BRCA1: variants seen among roughly 807,000 people sequenced by gnomAD.
The protein encoded by BRCA1 is breast cancer type 1 susceptibility protein.
In BRCA1, 140 loss-of-function variants were observed where a neutral mutation model predicts 173.7. The observed-to-expected ratio is 0.81, with a 90% CI of 0.70 to 0.93. BRCA1 has a LOEUF of 0.93. BRCA1 is among the 40% of genes least tolerant of loss of function. BRCA1 has a pLI of 0.00. For synonymous variants in BRCA1, 662 were observed against 756.0 expected (o/e 0.88, Z 2.04); for missense variants, 1,983 against 2,172.5 (o/e 0.91, Z 1.73).
rs1060502348 is a variant in BRCA1, at chr17:43,091,797, C to T, written c.3734G>A (p.Ser1245Asn). The T allele has an allele frequency of 6.2e-7, 1 of 1,614,162 alleles. No homozygotes were observed. The highest frequency in any genetic ancestry group is 8.5e-7 in the Non-Finnish European group (1 of 1,180,024). Residue 1245 changes from serine (S) to asparagine (N), a missense_variant, in exon 10 of 23, where the codon AGC becomes AAC. By Grantham distance (46) the Ser-to-Asn change is conservative (BLOSUM62 1). Transcript: ENST00000357654. The stretch of plus-strand genomic sequence containing the variant: ...AGACAGACACTCGGTAGCAACGGTG[C>T]TATGCCTAGTAGACTGAGAAGGTAT... ...NNIPSQSTRH[S>N]TVATECLSKN...
At chr17:43,150,352 T>C (rs2056152793) in intron 1 of BRCA1, among the ~76,000 whole-genome samples, 1 of 151,984 alleles carries the variant, frequency 6.6e-6, no homozygotes, top group Non-Finnish European at 1.5e-5. Context: ...TCAAGTGATA[T>C]GCTTGTCAAA....
chr17:43,044,750 G>A lies in BRCA1; in HGVS notation c.*928C>T, dbSNP rs758556342. 1.5e-4 allele frequency: 74 copies of A among 491,752 alleles called. No homozygotes were observed. Among genetic ancestry groups the A allele is most frequent in the Non-Finnish European group, 2.6e-4 (65 of 250,896 alleles). The allele number at this position is 491,752 out of a possible 1,614,324, so 30.5% of individuals were successfully genotyped here. A position where few individuals can be genotyped will look rare whatever the true frequency, so the allele number is the denominator to read the frequency against. On this transcript the variant is annotated 3_prime_UTR_variant, in exon 23 of 23. Coordinates refer to ENST00000357654, the MANE Select transcript of BRCA1 (RefSeq NM_007294.4). ...CTGCTGTTTTAGAACACATTCTTTAGAAATCTAGCAAATATATCTCAGACT... is the reference window on the plus strand; with the variant it reads ...CTGCTGTTTTAGAACACATTCTTTAAAAATCTAGCAAATATATCTCAGACT...
intron 5 of BRCA1, among the ~76,000 whole-genome samples, chr17:43,104,559 G>A (rs1342328395): frequency 1.3e-5 from 2 of 152,106 alleles, no homozygotes; most frequent in African/African-American, 2.4e-5. Flanking sequence ...CACCAACAAT[G>A]TAAGTTGCAC....
intron 18 of BRCA1, among the ~76,000 whole-genome samples, chr17:43,058,376 A>AC (rs2051602948): frequency 2.0e-5 from 3 of 151,678 alleles, no homozygotes; most frequent in African/African-American, 7.3e-5. Context: ...TCTGCTAAAA[A>AC]AAAACACACA....
chr17:43,161,669 G>A (rs2056236571), intron 1 of BRCA1: 1 of 152,136 alleles, frequency 6.6e-6, no homozygotes, highest in Non-Finnish European at 1.5e-5. Flanking sequence ...TACAGGAAGG[G>A]TGAAGTCCTT....
intron 1 of BRCA1, among the ~76,000 whole-genome samples, chr17:43,151,331 C>G (rs2056160436): frequency 6.6e-6 from 1 of 152,164 alleles, no homozygotes; most frequent in African/African-American, 2.4e-5. Context: ...GTAATCCCCA[C>G]ATTTTTGGGA....
chr17:43,115,929 C>T lies in BRCA1; in HGVS notation c.81-150G>A, dbSNP rs193214469. ...AGTTCGTTCAATATTTATTAAATGT[C>T]TGCTGTGTCAGGAACTGAGAATACA... On this transcript the variant is annotated intron_variant, in intron 2 of 22. Coordinates refer to ENST00000357654, the MANE Select transcript of BRCA1 (RefSeq NM_007294.4). The T allele has an allele frequency of 8.1e-5, 61 of 753,156 alleles. No individual in the cohort carries two copies. The East Asian group carries it at 8.2e-4, about 10-fold the overall frequency. The allele number at this position is 753,156 out of a possible 1,614,324, so 46.7% of individuals were successfully genotyped here.
chr17:43,104,413 T>TA (rs2054649722), intron 5 of BRCA1, 152 bp from the exon 6 acceptor site: 2 of 924,160 alleles, frequency 2.2e-6, no homozygotes, highest in Non-Finnish European at 1.6e-6. Flanking sequence ...AATCAAATTT[T>TA]AAAAAATCAA....
At chr17:43,122,493 A>G (rs2055622815) in intron 2 of BRCA1, among the ~76,000 whole-genome samples, 1 of 152,222 alleles carries the variant, frequency 6.6e-6, no homozygotes, top group Non-Finnish European at 1.5e-5. Context: ...ATTACATAGA[A>G]TGTCAGCTAG....
chr17:43,047,159 G>A (rs2152730723), intron 22 of BRCA1, among the ~76,000 whole-genome samples: 1 of 152,066 alleles, frequency 6.6e-6, no homozygotes, highest in South Asian at 2.1e-4. Flanking sequence ...GAGTACAGTG[G>A]TGTGATCGTG....
chr17:43,115,270 G>A (rs911392586), intron 3 of BRCA1, among the ~76,000 whole-genome samples: 19 of 152,124 alleles, frequency 1.2e-4, no homozygotes, highest in Admixed American at 1.1e-3. Flanking sequence ...TTGGGAGGCC[G>A]AGGCAGGTGG....
chr17:43,124,205 T>C, intron 1 of BRCA1, 90 bp from the exon 2 acceptor site: 1 of 826,084 alleles, frequency 1.2e-6, no homozygotes, highest in South Asian at 1.7e-5. Flanking sequence ...ATAAAGTAAA[T>C]TTAAGATTTG....
intron 1 of BRCA1, among the ~76,000 whole-genome samples, chr17:43,130,711 C>G (rs1259230150): frequency 6.6e-6 from 1 of 152,140 alleles, no homozygotes; most frequent in African/African-American, 2.4e-5. Context: ...ATCGGCAAAA[C>G]AGACATATTA....
At chr17:43,145,911 A>G (rs933097141) in intron 1 of BRCA1, among the ~76,000 whole-genome samples, 2 of 152,156 alleles carry the variant, frequency 1.3e-5, no homozygotes, top group African/African-American at 2.4e-5. Context: ...AAATGGCAAT[A>G]TGGAGTCAGT....
intron 1 of BRCA1, chr17:43,142,565 C>T (rs1240922207): frequency 6.6e-6 from 1 of 152,162 alleles, no homozygotes; most frequent in Non-Finnish European, 1.5e-5. Flanking sequence ...TCACCTACGT[C>T]CTTCTAGCCC....
chr17:43,065,054 T>A (rs1013001096), intron 16 of BRCA1, among the ~76,000 whole-genome samples: 8 of 151,958 alleles, frequency 5.3e-5, no homozygotes, highest in African/African-American at 9.7e-5. Flanking sequence ...ATGGTCTCGA[T>A]CTCCTGACCT....
In BRCA1 at chr17:43,045,812, G is replaced by C. The variant is rs8176316; in HGVS notation, c.5468-10C>G. 6.2e-7 allele frequency: 1 copy of C among 1,613,766 alleles called. No individual in the cohort carries two copies. Among genetic ancestry groups the C allele is most frequent in the Non-Finnish European group, 8.5e-7 (1 of 1,179,850 alleles). On this transcript the variant is annotated splice_polypyrimidine_tract_variant and intron_variant, in intron 22 of 22. Coordinates refer to ENST00000357654, the MANE Select transcript of BRCA1 (RefSeq NM_007294.4). ...CACATCTGCCCAATTGCTGGAGACA[G>C]AGAACACAAGCAGAGATTAGTGTCA...
At chr17:43,069,389 G>C (rs1014232375) in intron 15 of BRCA1, among the ~76,000 whole-genome samples, 4 of 152,072 alleles carry the variant, frequency 2.6e-5, no homozygotes, top group African/African-American at 9.7e-5. Context: ...TTTCCTCTTC[G>C]CTTGTTTAAA....
At chr17:43,051,689 C>T (rs2051246158) in intron 19 of BRCA1, among the ~76,000 whole-genome samples, 2 of 150,104 alleles carry the variant, frequency 1.3e-5, no homozygotes, top group East Asian at 2.0e-4. Flanking sequence ...TAGGCTGGAG[C>T]GTAGTGGTGC....
Sources: allele counts gnomAD v4.1 joint callset (sites outside exome capture counted in the v4.1 genomes callset), GRCh38; gene constraint gnomAD v4.1.1; transcripts MANE v1.5; gene names NCBI Gene and HGNC (gene_info 2026-07-23, HGNC 2026-07-21).